Variants in GRAP2 observed in about 807,000 individuals in gnomAD.
The protein encoded by GRAP2 is GRB2 related adaptor protein 2, also known as GRB2-related adapter protein 2.
In GRAP2, 31 loss-of-function variants were observed where a neutral mutation model predicts 43.5. That is an observed-to-expected ratio of 0.71 (90% CI 0.54 to 0.96). The LOEUF (loss-of-function observed/expected upper bound fraction) is 0.96, where lower values mean the gene tolerates loss of function less well. Among genes scored for constraint, GRAP2 ranks in the 40% least tolerant of loss-of-function variants. The pLI is 0.00. For missense variants in GRAP2, 371 were observed against 424.4 expected (o/e 0.87, Z 1.11); for synonymous variants, 156 against 164.8 (o/e 0.95, Z 0.41).
intron 2 of GRAP2, among the ~76,000 whole-genome samples, chr22:39,949,996 A>T (rs937633537): frequency 1.3e-5 from 2 of 152,204 alleles, no homozygotes; most frequent in Non-Finnish European, 2.9e-5. Flanking sequence ...GACTGAAAAC[A>T]TCTGGCCCCA....
intron 1 of GRAP2, among the ~76,000 whole-genome samples, chr22:39,927,227 G>A (rs117616798): frequency 0.02 from 2,987 of 152,238 alleles, 67 homozygotes; most frequent in Non-Finnish European, 0.027. Context: ...TGATGGTGAG[G>A]CACAGTGCCC....
At chr22:39,921,610 A>C (rs990711680) in intron 1 of GRAP2, among the ~76,000 whole-genome samples, 1 of 152,176 alleles carries the variant, frequency 6.6e-6, no homozygotes, top group Non-Finnish European at 1.5e-5. Context: ...AGTCTCTTCA[A>C]GTTTCTCTTT....
intron 4 of GRAP2, among the ~76,000 whole-genome samples, chr22:39,963,380 G>A (rs146959291): frequency 5.6e-4 from 86 of 152,280 alleles, no homozygotes; most frequent in African/African-American, 1.9e-3. Flanking sequence ...GCTTATGAGA[G>A]TAAAAGGGTC....
At chr22:39,966,190 G>C (rs2067171995) in intron 5 of GRAP2, 32 bp downstream of exon 5, 2 of 1,588,478 alleles carry the variant, frequency 1.3e-6, no homozygotes, top group African/African-American at 1.3e-5. Context: ...CCCCAATCTA[G>C]AGATTTTAGG....
At chr22:39,943,819 AAGTG>A (rs1199542677) in intron 1 of GRAP2, among the ~76,000 whole-genome samples, 1 of 151,230 alleles carries the variant, frequency 6.6e-6, no homozygotes, top group Non-Finnish European at 1.5e-5. Context: ...TCCCGGGTTC[AAGTG>A]ATTCTCCTGC....
In GRAP2 at chr22:39,933,485, G is replaced by C. The variant is rs575425912; in HGVS notation, c.-14-13608G>C. ...TGACAAGAGAGACTTGAGTGGATCT[G>C]GGAGGTCATGTGACAAACATGACAT... On this transcript the variant is annotated intron_variant, in intron 1 of 7. Transcript: ENST00000344138. Among the ~76,000 whole-genome samples, 11 of 152,304 alleles carry C rather than the reference G, an allele frequency of 7.2e-5. No homozygotes were observed. In the South Asian group the frequency reaches 2.3e-3, roughly 32 times the overall value.
chr22:39,965,216 C>G (rs953475657), intron 4 of GRAP2, among the ~76,000 whole-genome samples: 1 of 152,134 alleles, frequency 6.6e-6, no homozygotes, highest in Non-Finnish European at 1.5e-5. Flanking sequence ...ATGGCGAAAC[C>G]CCGTCTTTAC....
chr22:39,948,769 C>T (rs1308515263), intron 2 of GRAP2, among the ~76,000 whole-genome samples: 1 of 152,094 alleles, frequency 6.6e-6, no homozygotes, highest in Non-Finnish European at 1.5e-5. Flanking sequence ...GTGGGATTGA[C>T]ACTGCTAACT....
At chr22:39,896,154 C>T (rs958243809), upstream of GRAP2, among the ~76,000 whole-genome samples, 1 of 151,958 alleles carries the variant, frequency 6.6e-6, no homozygotes, top group Non-Finnish European at 1.5e-5. Flanking sequence ...TGTGTGTGCT[C>T]AAAGAGTAGA....
At chr22:39,960,275 G>T (rs1273409690) in intron 4 of GRAP2, 101 bp downstream of exon 4, 8 of 1,160,026 alleles carry the variant, frequency 6.9e-6, no homozygotes, top group Non-Finnish European at 1.0e-5. Flanking sequence ...CCAATGGTCA[G>T]AAGCATGGTG....
At chr22:39,896,450 G>T (rs186481852), upstream of GRAP2, among the ~76,000 whole-genome samples, 1 of 152,172 alleles carries the variant, frequency 6.6e-6, no homozygotes, top group Non-Finnish European at 1.5e-5. Flanking sequence ...AACATGATCC[G>T]AGGGGTCAGT....
intron 1 of GRAP2, among the ~76,000 whole-genome samples, chr22:39,936,189 C>A (rs545019511): frequency 6.6e-6 from 1 of 152,270 alleles, no homozygotes; most frequent in Non-Finnish European, 1.5e-5. Flanking sequence ...TTCCCATCTA[C>A]CCCTGCCACC....
intron 1 of GRAP2, among the ~76,000 whole-genome samples, chr22:39,932,982 C>T (rs986780928): frequency 1.3e-5 from 2 of 152,184 alleles, no homozygotes; most frequent in East Asian, 3.8e-4. Flanking sequence ...GGCTCATGTG[C>T]TTGCCTACCT....
At chr22:39,947,407 G>A in intron 2 of GRAP2, 1 of 544,076 alleles carries the variant, frequency 1.8e-6, no homozygotes, top group Non-Finnish European at 3.3e-6. Flanking sequence ...TCGTAGTCTG[G>A]AGAGGGGAAC....
chr22:39,931,456 A>G (rs990060546), intron 1 of GRAP2, among the ~76,000 whole-genome samples: 1 of 152,214 alleles, frequency 6.6e-6, no homozygotes, highest in Non-Finnish European at 1.5e-5. Context: ...AGGTTCTAGG[A>G]TGGTGCAAAT....
At chr22:39,910,999 A>G (rs757634213) in intron 1 of GRAP2, among the ~76,000 whole-genome samples, 30 of 152,142 alleles carry the variant, frequency 2.0e-4, no homozygotes, top group Non-Finnish European at 3.2e-4. Flanking sequence ...CCTTAGACAA[A>G]CTAGTGGGCC....
At chr22:39,937,930 T>A (rs952091463) in intron 1 of GRAP2, among the ~76,000 whole-genome samples, 9 of 152,150 alleles carry the variant, frequency 5.9e-5, no homozygotes, top group African/African-American at 1.9e-4. Context: ...AAGATACTTT[T>A]CTTACAAAAA....
intron 1 of GRAP2, chr22:39,926,498 A>T: frequency 1.7e-6 from 1 of 600,128 alleles, no homozygotes; most frequent in Non-Finnish European, 2.1e-6. Flanking sequence ...AAAAAAAAAA[A>T]AAGGAAAAGA....
chr22:39,953,946 C>G (rs1185414585), intron 2 of GRAP2, among the ~76,000 whole-genome samples: 1 of 152,174 alleles, frequency 6.6e-6, no homozygotes, highest in Non-Finnish European at 1.5e-5. Flanking sequence ...CTTACTGTTA[C>G]TTCCCTGCTC....
Sources: gnomAD v4.1 joint callset for allele counts (sites outside exome capture counted in the v4.1 genomes callset) on GRCh38, gnomAD v4.1.1 for gene constraint, MANE v1.5 for transcripts, NCBI Gene and HGNC (gene_info 2026-07-23, HGNC 2026-07-21) for gene names.